PTDSS1: variants seen among roughly 807,000 people sequenced by gnomAD.
The protein encoded by PTDSS1 is PSS-1.
A neutral mutation model predicts 70.5 loss-of-function variants in PTDSS1; 45 were observed. That is an observed-to-expected ratio of 0.64 (90% CI 0.50 to 0.82). The LOEUF (loss-of-function observed/expected upper bound fraction) is 0.82, where lower values mean the gene tolerates loss of function less well. Ranked by LOEUF, PTDSS1 falls within the 40% of genes least tolerant of loss-of-function variation. The pLI is 0.00. For missense variants in PTDSS1, 417 were observed against 586.1 expected (o/e 0.71, Z 2.98); for synonymous variants, 188 against 203.8 (o/e 0.92, Z 0.66).
Position 96,261,935 on chromosome 8 carries a change from C to G in PTDSS1, c.-106C>G, listed in dbSNP as rs1012815859. ...TCCCAGCCTTTGCTGGGCGCCAGACCCGGCTTTGCCGTCCGGCTATTAGCC... is the reference window on the plus strand; with the variant it reads ...TCCCAGCCTTTGCTGGGCGCCAGACGCGGCTTTGCCGTCCGGCTATTAGCC... On this transcript the variant is annotated 5_prime_UTR_variant, in exon 1 of 13. Transcript: ENST00000517309. 8.9e-6 allele frequency: 11 copies of G among 1,241,536 alleles called. No homozygotes were observed. Among genetic ancestry groups the G allele is most frequent in the Non-Finnish European group, 1.2e-5 (11 of 907,350 alleles). The allele number at this position is 1,241,536 out of a possible 1,614,324, so 76.9% of individuals were successfully genotyped here.
intron 1 of PTDSS1, among the ~76,000 whole-genome samples, chr8:96,268,635 T>C (rs1390311631): frequency 2.3e-5 from 3 of 128,392 alleles, no homozygotes; most frequent in South Asian, 4.7e-4. Flanking sequence ...GAGTGCAAAC[T>C]TTTTTTTTTT....
intron 2 of PTDSS1, among the ~76,000 whole-genome samples, chr8:96,278,972 CTTTTTTTTTTT>C (rs36085094): frequency 8.2e-6 from 1 of 122,632 alleles, no homozygotes; most frequent in Non-Finnish European, 1.7e-5. Flanking sequence ...TTCAGCCCCC[CTTTTTTTTTTT>C]TTTTTTTTGA....
At chr8:96,316,474 C>T (rs1240264164) in intron 9 of PTDSS1, among the ~76,000 whole-genome samples, 3 of 152,052 alleles carry the variant, frequency 2.0e-5, no homozygotes, top group East Asian at 1.9e-4. Context: ...AACCAAAAAC[C>T]GCATATGCTC....
chr8:96,281,754 A>G (rs745574389), intron 2 of PTDSS1, among the ~76,000 whole-genome samples: 15 of 152,178 alleles, frequency 9.9e-5, no homozygotes, highest in Non-Finnish European at 1.6e-4. Flanking sequence ...TTCATAGGAA[A>G]GTCCCCAGGT....
Position 96,278,045 on chromosome 8 carries a change from G to A in PTDSS1, c.271+4655G>A, listed in dbSNP as rs538957576. Among the ~76,000 whole-genome samples, 3 of 152,342 alleles carry A rather than the reference G, an allele frequency of 2.0e-5. No homozygotes were observed. In the South Asian group the frequency reaches 6.2e-4, roughly 32 times the overall value. ...CCCCTTTCTGTTCTGCCGTCTTCTA[G>A]GCTGCAGTCTGCCCTGCTGGCCTTG... On this transcript the variant is annotated intron_variant, in intron 2 of 12. Coordinates refer to ENST00000517309, the MANE Select transcript of PTDSS1 (RefSeq NM_014754.3).
intron 4 of PTDSS1, among the ~76,000 whole-genome samples, chr8:96,291,109 G>C (rs1810896604): frequency 6.6e-6 from 1 of 151,982 alleles, no homozygotes; most frequent in Non-Finnish European, 1.5e-5. Flanking sequence ...AATTAATGCT[G>C]ACCCAGCTTT....
At chr8:96,309,040 A>C (rs1811167259) in intron 8 of PTDSS1, among the ~76,000 whole-genome samples, 1 of 152,108 alleles carries the variant, frequency 6.6e-6, no homozygotes, top group African/African-American at 2.4e-5. Flanking sequence ...AGAGAACCAG[A>C]GGAGACAACC....
At chr8:96,312,026 A>AT (rs896547483) in intron 9 of PTDSS1, among the ~76,000 whole-genome samples, 2 of 152,052 alleles carry the variant, frequency 1.3e-5, no homozygotes, top group African/African-American at 2.4e-5. Flanking sequence ...TGTGGAGTGG[A>AT]TTTTTTTTCC....
At chr8:96,281,447 T>C (rs1485099229) in intron 2 of PTDSS1, among the ~76,000 whole-genome samples, 3 of 152,144 alleles carry the variant, frequency 2.0e-5, no homozygotes, top group Non-Finnish European at 4.4e-5. Flanking sequence ...TCTCACCTTT[T>C]GTAGGCAAAA....
chr8:96,309,566 C>T lies in PTDSS1; in HGVS notation c.1017C>T (p.Tyr339=), dbSNP rs745991363. ...GITAPTVRQY[Y]AYLTDTQCKR... ...AACTTTGTTCTTTCAGACAGTACTA[C>T]GCTTACCTCACCGACACACAGTGCA... The change falls in exon 9 of 13, where the codon TAC becomes TAT. Residue 339 remains tyrosine (Y), a synonymous_variant. Coordinates refer to ENST00000517309, the MANE Select transcript of PTDSS1 (RefSeq NM_014754.3). 54 of 1,613,880 alleles carry T rather than the reference C, an allele frequency of 3.3e-5. No individual in the cohort carries two copies. The highest frequency in any genetic ancestry group is 1.2e-4 in the Admixed American group (7 of 59,984).
At position 96,273,343 on chromosome 8, in the gene PTDSS1, C is replaced by G. The variant is rs200857021; in HGVS notation, c.224C>G (p.Ser75Cys). 32 of 1,612,704 alleles carry G rather than the reference C, an allele frequency of 2.0e-5. No individual in the cohort carries two copies. Among genetic ancestry groups the G allele is most frequent in the Non-Finnish European group, 2.7e-5 (32 of 1,179,562 alleles). Residue 75 changes from serine (S) to cysteine (C), a missense_variant, in exon 2 of 13, where the codon TCT becomes TGT. Ser to Cys is a moderately radical substitution (Grantham distance 112). This residue lies in a region of PTDSS1 where 272 missense variants were observed against 429.5 expected (regional missense o/e 0.63). Transcript: ENST00000517309. ...PEDNIWRGIL[S>C]VIFFFLIISV... ...GACAACATCTGGAGAGGCATCCTCT[C>G]TGTTATTTTCTTCTTTCTTATCATC...
At chr8:96,272,933 TA>T (rs1282701733) in intron 1 of PTDSS1, among the ~76,000 whole-genome samples, 1 of 152,176 alleles carries the variant, frequency 6.6e-6, no homozygotes, top group African/African-American at 2.4e-5. Context: ...GCATCACAGG[TA>T]CCCTAGTAAA....
chr8:96,323,361 G>C (rs2130166681), intron 10 of PTDSS1, among the ~76,000 whole-genome samples: 1 of 152,360 alleles, frequency 6.6e-6, no homozygotes, highest in African/African-American at 2.4e-5. Context: ...CCCTGTGGCA[G>C]GTTTTTGCCT....
rs748882706 is a variant in PTDSS1, at chr8:96,333,571, C to T, written c.*5C>T. On this transcript the variant is annotated 3_prime_UTR_variant, in exon 13 of 13. Coordinates refer to ENST00000517309, the MANE Select transcript of PTDSS1 (RefSeq NM_014754.3). The stretch of plus-strand genomic sequence containing the variant: ...AATGGCGTTGGAAAGAAATGAAAAA[C>T]CCTGGTTAATCAAAGATGTTCCAGA... The T allele has an allele frequency of 1.0e-5, 16 of 1,597,002 alleles. No individual in the cohort carries two copies. The highest frequency in any genetic ancestry group is 1.7e-6 in the Non-Finnish European group (2 of 1,164,528).
chr8:96,318,902 CTTTTTT>C (rs71267241), intron 9 of PTDSS1, among the ~76,000 whole-genome samples: 8 of 46,188 alleles, frequency 1.7e-4, no homozygotes, highest in East Asian at 8.4e-4. Flanking sequence ...CCCTTCTTGC[CTTTTTT>C]TTTTTTTTTT....
At chr8:96,275,217 G>T (rs759562465) in intron 2 of PTDSS1, among the ~76,000 whole-genome samples, 9 of 152,158 alleles carry the variant, frequency 5.9e-5, no homozygotes, top group Non-Finnish European at 1.3e-4. Context: ...ATTCACAAGT[G>T]TGGTTATAGG....
chr8:96,335,396 C>T lies in PTDSS1; in HGVS notation c.*1830C>T, dbSNP rs1363502482. ...GACACCTGTCTCTTCTTTCTCACAC[C>T]GGTGGTGCCTCACTGAGTGTTTCCG... is the stretch of plus-strand genomic sequence containing the variant. On this transcript the variant is annotated 3_prime_UTR_variant, in exon 13 of 13. Transcript: ENST00000517309. 6.6e-6 allele frequency: 1 copy of T among 152,196 alleles called. No individual in the cohort carries two copies. The highest frequency in any genetic ancestry group is 1.9e-4 in the East Asian group (1 of 5,198). 9.4% of individuals were successfully genotyped at this position (152,196 alleles called of 1,614,324 possible). A position where few individuals can be genotyped will look rare whatever the true frequency, so the allele number is the denominator to read the frequency against.
chr8:96,328,593 TCTCA>T (rs1273892691), intron 10 of PTDSS1, among the ~76,000 whole-genome samples: 2 of 152,312 alleles, frequency 1.3e-5, no homozygotes, highest in African/African-American at 2.4e-5. Flanking sequence ...TGCTTGTGCT[TCTCA>T]CTCTCTCTCC....
chr8:96,285,533 G>C (rs1463611574), intron 3 of PTDSS1, among the ~76,000 whole-genome samples: 2 of 152,202 alleles, frequency 1.3e-5, no homozygotes, highest in African/African-American at 4.8e-5. Flanking sequence ...TGATTCAATA[G>C]TGCTGTTTGA....
Sources: gnomAD v4.1 joint callset for allele counts (sites outside exome capture counted in the v4.1 genomes callset) on GRCh38, gnomAD v4.1.1 for gene constraint, gnomAD v4.1.1 regional missense constraint, MANE v1.5 for transcripts, NCBI Gene and HGNC (gene_info 2026-07-23, HGNC 2026-07-21) for gene names.